The following PARP1 variants were observed in gnomAD, a reference collection of about 807,000 sequenced individuals.
PARP1 encodes the protein poly [ADP-ribose] polymerase 1.
PARP1 carries 44 observed loss-of-function variants against 118.7 expected under a neutral mutation model. The observed-to-expected ratio is 0.37, with a 90% CI of 0.29 to 0.48. The LOEUF (loss-of-function observed/expected upper bound fraction) is 0.48. Among genes scored for constraint, PARP1 ranks in the 20% least tolerant of loss-of-function variants. The pLI is 0.99. For missense variants in PARP1, 1,100 were observed against 1,272.4 expected (o/e 0.86, Z 2.06); for synonymous variants, 492 against 483.2 (o/e 1.02, Z -0.24).
chr1:226,360,839 C>A lies in PARP1; in HGVS notation c.*621G>T, dbSNP rs1301649830. On this transcript the variant is annotated 3_prime_UTR_variant, in exon 23 of 23. Coordinates refer to ENST00000366794, the MANE Select transcript of PARP1 (RefSeq NM_001618.4). ...CTTTTAATACTACATATTTCAAGAG[C>A]TCCCATGTTCAGTATTCCTGGAGAA... is the stretch of plus-strand genomic sequence containing the variant. 4.4e-6 allele frequency: 1 copy of A among 228,244 alleles called. No individual in the cohort carries two copies. 14.1% of individuals were successfully genotyped at this position (228,244 alleles called of 1,614,324 possible).
At chr1:226,367,830 G>A (rs1664302513) in intron 16 of PARP1, among the ~76,000 whole-genome samples, 1 of 152,222 alleles carries the variant, frequency 6.6e-6, no homozygotes, top group Non-Finnish European at 1.5e-5. Context: ...TTGAGAGGTG[G>A]AAGAACTGTC....
intron 15 of PARP1, among the ~76,000 whole-genome samples, chr1:226,368,835 C>A (rs755979498): frequency 2.0e-5 from 3 of 152,182 alleles, no homozygotes; most frequent in Admixed American, 6.5e-5. Context: ...CTAAGCAATC[C>A]TTACACTCAC....
chr1:226,401,527 G>T (rs1165509179), intron 2 of PARP1, among the ~76,000 whole-genome samples: 3 of 152,232 alleles, frequency 2.0e-5, no homozygotes, highest in African/African-American at 7.2e-5. Flanking sequence ...TCCGGGTATT[G>T]CCATGGCAAT....
chr1:226,403,373 C>T (rs1665076329), intron 1 of PARP1, among the ~76,000 whole-genome samples: 1 of 152,162 alleles, frequency 6.6e-6, no homozygotes, highest in African/African-American at 2.4e-5. Context: ...AGCAATGGGG[C>T]TTCACCATGT....
At chr1:226,388,597 A>G in intron 5 of PARP1, 59 bp downstream of exon 5, 1 of 1,197,314 alleles carries the variant, frequency 8.4e-7, no homozygotes, top group Non-Finnish European at 1.3e-6. Flanking sequence ...TCTTCCCAGA[A>G]TGAGAAAGAG....
chr1:226,372,761 C>T (rs1275055555), intron 14 of PARP1, among the ~76,000 whole-genome samples: 1 of 152,140 alleles, frequency 6.6e-6, no homozygotes, highest in African/African-American at 2.4e-5. Flanking sequence ...TAGCTGAGAA[C>T]GTCTATGAAT....
chr1:226,377,093 G>A lies in PARP1; in HGVS notation c.1941+15C>T, dbSNP rs750756202. 1 of 1,606,704 alleles carries A rather than the reference G, an allele frequency of 6.2e-7. No individual in the cohort carries two copies. The highest frequency in any genetic ancestry group is 1.7e-5 in the Admixed American group (1 of 59,998). ...TTTCCTAGAAGCAGACAGTGTAAGGGCATTATGTGGTTACCTGGCCATAGT... is the reference window on the plus strand; with the variant it reads ...TTTCCTAGAAGCAGACAGTGTAAGGACATTATGTGGTTACCTGGCCATAGT... On this transcript the variant is annotated intron_variant, in intron 13 of 22. Coordinates refer to ENST00000366794, the MANE Select transcript of PARP1 (RefSeq NM_001618.4).
intron 13 of PARP1, among the ~76,000 whole-genome samples, chr1:226,374,857 C>T (rs1237820057): frequency 6.6e-6 from 1 of 152,210 alleles, no homozygotes; most frequent in Non-Finnish European, 1.5e-5. Context: ...CAGTCCCATG[C>T]GCTGCCAGCC....
chr1:226,384,204 G>C (rs1417344902), intron 7 of PARP1, among the ~76,000 whole-genome samples: 1 of 152,230 alleles, frequency 6.6e-6, no homozygotes, highest in African/African-American at 2.4e-5. Flanking sequence ...GGGTGCCCTG[G>C]CTAGGCGCCC....
At chr1:226,387,612 G>C (rs995746108) in intron 5 of PARP1, among the ~76,000 whole-genome samples, 1 of 152,174 alleles carries the variant, frequency 6.6e-6, no homozygotes, top group Admixed American at 6.5e-5. Context: ...ACCAGGAATG[G>C]AGACATGAGA....
chr1:226,391,004 T>G (rs975407157), intron 3 of PARP1, among the ~76,000 whole-genome samples: 1 of 148,388 alleles, frequency 6.7e-6, no homozygotes, highest in African/African-American at 2.5e-5. Context: ...GCAGCACTTT[T>G]TTTTTTTTTT....
chr1:226,361,683 C>A, intron 22 of PARP1, 142 bp from the exon 23 acceptor site: 1 of 717,558 alleles, frequency 1.4e-6, no homozygotes, highest in Non-Finnish European at 2.5e-6. Flanking sequence ...GTTGCCTCAT[C>A]TCCCCGGGGC....
chr1:226,399,190 G>A (rs1028378743), intron 2 of PARP1, among the ~76,000 whole-genome samples: 3 of 149,480 alleles, frequency 2.0e-5, no homozygotes, highest in African/African-American at 5.0e-5. Flanking sequence ...CTCCTGTCTC[G>A]GCCTCCCGAG....
chr1:226,375,223 C>T (rs1411476531), intron 13 of PARP1, among the ~76,000 whole-genome samples: 2 of 152,222 alleles, frequency 1.3e-5, no homozygotes, highest in African/African-American at 4.8e-5. Flanking sequence ...AGTGTTGAAA[C>T]ACCATCTTAA....
At chr1:226,366,166 G>A (rs1009869845) in intron 17 of PARP1, 114 bp from the exon 18 acceptor site, 11 of 751,416 alleles carry the variant, frequency 1.5e-5, no homozygotes, top group African/African-American at 3.5e-5. Flanking sequence ...AAAGGAAGCC[G>A]GGCATGACCG....
chr1:226,403,769 A>G (rs746113433), intron 1 of PARP1, among the ~76,000 whole-genome samples: 17 of 152,224 alleles, frequency 1.1e-4, no homozygotes, highest in Non-Finnish European at 2.1e-4. Context: ...TGATCTGACT[A>G]AAGTAAGGGA....
In PARP1 at chr1:226,380,146, T is replaced by C. The variant is rs145185569; in HGVS notation, c.1319A>G (p.Asn440Ser). 1.7e-4 allele frequency: 278 copies of C among 1,614,068 alleles called. No homozygotes were observed. Among genetic ancestry groups the C allele is most frequent in the Non-Finnish European group, 2.3e-4 (266 of 1,180,038 alleles). ...TTCCTTTACTTCCTCCATCTTCTTA[T>C]TCATCTTTTCCACCTCCTCTGTTCA... ...ISTKKEVEKM[N>S]KKMEEVKEAN... is the part of the protein sequence containing the mutation. Residue 440 changes from asparagine to serine, a missense_variant, in exon 10 of 23, where the codon AAT becomes AGT. This residue lies in a region of PARP1 where 948 missense variants were observed against 1,031.8 expected (regional missense o/e 0.92). Transcript: ENST00000366794.
In PARP1 at chr1:226,367,493, T is replaced by C. The variant is rs766847288; in HGVS notation, c.2393A>G (p.Lys798Arg). 18 of 1,613,990 alleles carry C rather than the reference T, an allele frequency of 1.1e-5. No individual in the cohort carries two copies. The Admixed American group carries it at 3.0e-4, about 27-fold the overall frequency. Residue 798 changes from lysine (K) to arginine (R), a missense_variant, in exon 17 of 23, where the codon AAA (lysine) becomes AGA (arginine). This residue lies in a region of PARP1 where 948 missense variants were observed against 1,031.8 expected (regional missense o/e 0.92). Coordinates refer to ENST00000366794, the MANE Select transcript of PARP1 (RefSeq NM_001618.4). ...DPIDVNYEKLKTDIKVVDRDS... is the reference protein window; with the variant it reads ...DPIDVNYEKLRTDIKVVDRDS... ...TGACCCTGTTACCTTAATGTCAGTTTTGAGCTTCTCATAGTTGACATCGAT... is the reference window on the plus strand; with the variant it reads ...TGACCCTGTTACCTTAATGTCAGTTCTGAGCTTCTCATAGTTGACATCGAT...
At chr1:226,385,760 C>A in intron 6 of PARP1, 80 bp from the exon 7 acceptor site, 1 of 1,275,304 alleles carries the variant, frequency 7.8e-7, no homozygotes, top group Non-Finnish European at 1.1e-6. Context: ...GATGGAGGAA[C>A]TTGCACAGAT....
Sources: gnomAD v4.1 joint callset for allele counts (sites outside exome capture counted in the v4.1 genomes callset) on GRCh38, gnomAD v4.1.1 for gene constraint, gnomAD v4.1.1 regional missense constraint, MANE v1.5 for transcripts, NCBI Gene and HGNC (gene_info 2026-07-23, HGNC 2026-07-21) for gene names.